MCU: variants seen among roughly 807,000 people sequenced by gnomAD.
The protein encoded by MCU is calcium uniporter protein, mitochondrial.
Under a neutral mutation model 45.2 loss-of-function variants are expected in MCU, and 12 were observed. The observed-to-expected ratio is 0.27, with a 90% confidence interval of 0.17 to 0.43. The LOEUF is 0.43. MCU is among the 20% of genes least tolerant of loss of function. MCU has a pLI of 1.00. For synonymous variants in MCU, 160 were observed against 165.1 expected (o/e 0.97, Z 0.24); for missense variants, 324 against 436.7 (o/e 0.74, Z 2.30).
At chr10:72,844,939 A>G (rs2132849230) in intron 2 of MCU, among the ~76,000 whole-genome samples, 1 of 152,322 alleles carries the variant, frequency 6.6e-6, no homozygotes, top group African/African-American at 2.4e-5. Flanking sequence ...AAACCCCAGT[A>G]GGAGCTGATC....
At chr10:72,777,932 G>A (rs914709892) in intron 1 of MCU, among the ~76,000 whole-genome samples, 9 of 152,146 alleles carry the variant, frequency 5.9e-5, no homozygotes, top group African/African-American at 2.2e-4. Flanking sequence ...TGTGAAAAAT[G>A]CTCAGCATCA....
In MCU at chr10:72,819,033, T is replaced by C. The variant is rs146846125; in HGVS notation, c.151-15326T>C. Among the ~76,000 whole-genome samples the C allele has an allele frequency of 1.5e-3, 221 of 152,330 alleles. 2 individuals carry two copies. The highest frequency in any genetic ancestry group is 4.9e-3 in the African/African-American group (202 of 41,576). Reference sequence around the variant, plus strand: ...GTTGTATCTCTGTTATGTTTTCTTCTGATGGGCAAGACAGAACAATAGATA... The same window carrying C: ...GTTGTATCTCTGTTATGTTTTCTTCCGATGGGCAAGACAGAACAATAGATA... On this transcript the variant is annotated intron_variant, in intron 1 of 7. Transcript: ENST00000373053.
chr10:72,698,720 G>A (rs1424711376), intron 1 of MCU, among the ~76,000 whole-genome samples: 2 of 152,182 alleles, frequency 1.3e-5, no homozygotes, highest in Non-Finnish European at 2.9e-5. Context: ...GGCCAGGCTG[G>A]TCTTGAGCTC....
intron 1 of MCU, among the ~76,000 whole-genome samples, chr10:72,788,082 C>T (rs1346853885): frequency 6.6e-6 from 1 of 152,098 alleles, no homozygotes; most frequent in Non-Finnish European, 1.5e-5. Context: ...TGAGTTGATA[C>T]CTGGTGCTTG....
intron 1 of MCU, among the ~76,000 whole-genome samples, chr10:72,809,139 A>G (rs912967701): frequency 2.6e-5 from 4 of 152,230 alleles, no homozygotes; most frequent in Admixed American, 1.3e-4. Flanking sequence ...GCATTGTAGT[A>G]GTAGTAACAA....
chr10:72,875,726 G>A (rs893248968), intron 6 of MCU, among the ~76,000 whole-genome samples: 1 of 152,170 alleles, frequency 6.6e-6, no homozygotes, highest in Non-Finnish European at 1.5e-5. Context: ...CAAGCTCCTT[G>A]AAATCATAAA....
chr10:72,721,067 CTTCTCACTGTTTCACCACTGGCTCTTTGG>C (rs1843015181), intron 1 of MCU: 1 of 154,078 alleles, frequency 6.5e-6, no homozygotes, highest in East Asian at 1.9e-4. Flanking sequence ...GAGTTGATTA[CTTCTCACTGTTTCACCACTGGCTCTTTGG>C]TTCATGCTAA....
At chr10:72,789,699 A>G (rs993697638) in intron 1 of MCU, among the ~76,000 whole-genome samples, 4 of 152,172 alleles carry the variant, frequency 2.6e-5, no homozygotes, top group African/African-American at 9.7e-5. Flanking sequence ...TTCTGTTTCC[A>G]TTAATCCCTG....
chr10:72,752,748 TTA>T (rs1219279205), intron 1 of MCU, among the ~76,000 whole-genome samples: 4 of 152,202 alleles, frequency 2.6e-5, no homozygotes, highest in Non-Finnish European at 4.4e-5. Flanking sequence ...TGTGTGTTTC[TTA>T]TAGCAGAGCA....
At chr10:72,712,725 C>T (rs1169112149) in intron 1 of MCU, among the ~76,000 whole-genome samples, 1 of 152,146 alleles carries the variant, frequency 6.6e-6, no homozygotes, top group Non-Finnish European at 1.5e-5. Flanking sequence ...AATAATAATT[C>T]TGTACATATT....
intron 2 of MCU, among the ~76,000 whole-genome samples, chr10:72,852,776 A>AT (rs1418865070): frequency 6.6e-6 from 1 of 152,258 alleles, no homozygotes; most frequent in Non-Finnish European, 1.5e-5. Context: ...AGTCTCGGAA[A>AT]TCTGCATAGG....
At chr10:72,757,347 T>C (rs1266660160) in intron 1 of MCU, among the ~76,000 whole-genome samples, 1 of 152,154 alleles carries the variant, frequency 6.6e-6, no homozygotes, top group Non-Finnish European at 1.5e-5. Flanking sequence ...ACAATATTGT[T>C]TCAGGGAAAA....
intron 1 of MCU, among the ~76,000 whole-genome samples, chr10:72,776,195 G>A (rs1843890822): frequency 6.6e-6 from 1 of 151,466 alleles, no homozygotes; most frequent in Non-Finnish European, 1.5e-5. Context: ...TTGAAGAGGA[G>A]ATAATACTTT....
At chr10:72,704,902 G>T (rs1483793926) in intron 1 of MCU, among the ~76,000 whole-genome samples, 2 of 151,746 alleles carry the variant, frequency 1.3e-5, no homozygotes, top group Non-Finnish European at 2.9e-5. Context: ...TGTATTTTTA[G>T]TGGAGATAGG....
At chr10:72,765,574 G>T (rs995870400) in intron 1 of MCU, among the ~76,000 whole-genome samples, 3 of 151,950 alleles carry the variant, frequency 2.0e-5, no homozygotes, top group Admixed American at 1.3e-4. Flanking sequence ...CAGGAAGATA[G>T]CTTGTGCCCA....
At chr10:72,849,323 A>G (rs1478382568) in intron 2 of MCU, among the ~76,000 whole-genome samples, 1 of 151,980 alleles carries the variant, frequency 6.6e-6, no homozygotes, top group Non-Finnish European at 1.5e-5. Context: ...ATGACTGATA[A>G]GATATGAGGA....
At chr10:72,866,245 G>A (rs534625147) in intron 4 of MCU, among the ~76,000 whole-genome samples, 144 of 152,268 alleles carry the variant, frequency 9.5e-4, no homozygotes, top group African/African-American at 3.4e-3. Flanking sequence ...CAGTAAGAGA[G>A]TGGTTTGAAA....
intron 1 of MCU, among the ~76,000 whole-genome samples, chr10:72,815,470 G>A (rs10823942): frequency 0.6 from 90,577 of 152,036 alleles, 28,277 homozygotes; most frequent in Non-Finnish European, 0.67. Flanking sequence ...GTGAAAATAT[G>A]GAACTTAAAT....
At chr10:72,773,141 C>T (rs1843837404) in intron 1 of MCU, among the ~76,000 whole-genome samples, 1 of 152,138 alleles carries the variant, frequency 6.6e-6, no homozygotes, top group South Asian at 2.1e-4. Context: ...AAGTGTTCCT[C>T]CTACCTTAGC....
Sources: allele counts gnomAD v4.1 joint callset (sites outside exome capture counted in the v4.1 genomes callset), GRCh38; gene constraint gnomAD v4.1.1; transcripts MANE v1.5; gene names NCBI Gene and HGNC (gene_info 2026-07-23, HGNC 2026-07-21).